SYT1: variants seen among roughly 807,000 people sequenced by gnomAD.
The protein encoded by SYT1 is synaptotagmin 1.
Under a neutral mutation model 44.8 loss-of-function variants are expected in SYT1, and 8 were observed. The ratio of observed to expected loss-of-function variants is 0.18; its 90% CI spans 0.10 to 0.32. The LOEUF (loss-of-function observed/expected upper bound fraction) is 0.32, where lower values mean the gene tolerates loss of function less well. Ranked by LOEUF, SYT1 falls within the 10% of genes least tolerant of loss-of-function variation. The pLI is 1.00. For missense variants in SYT1, 286 were observed against 509.3 expected, an observed-to-expected ratio of 0.56 and a Z score of 4.22; for synonymous variants, 154 against 188.8, an observed-to-expected ratio of 0.82 and a Z score of 1.51.
At chr12:79,072,161 T>C (rs1876326525) in intron 3 of SYT1, among the ~76,000 whole-genome samples, 1 of 152,082 alleles carries the variant, frequency 6.6e-6, no homozygotes. Context: ...TTATCTTCTA[T>C]GAACAATAAA....
At chr12:78,978,747 T>G (rs181994082) in intron 2 of SYT1, among the ~76,000 whole-genome samples, 3 of 152,340 alleles carry the variant, frequency 2.0e-5, no homozygotes, top group Admixed American at 2.0e-4. Flanking sequence ...TTACTTCCAC[T>G]GTATACAGGA....
intron 3 of SYT1, among the ~76,000 whole-genome samples, chr12:79,121,600 T>A (rs1301692136): frequency 6.6e-6 from 1 of 152,150 alleles, no homozygotes; most frequent in Non-Finnish European, 1.5e-5. Context: ...CCTCACCCCA[T>A]AACCTGCTCC....
At chr12:79,138,785 C>A (rs1187843139) in intron 3 of SYT1, among the ~76,000 whole-genome samples, 1 of 152,168 alleles carries the variant, frequency 6.6e-6, no homozygotes, top group East Asian at 1.9e-4. Context: ...TACCTGTGTA[C>A]ACACCTAGTT....
chr12:79,411,503 C>A (rs1289029700), intron 9 of SYT1, among the ~76,000 whole-genome samples: 1 of 152,002 alleles, frequency 6.6e-6, no homozygotes, highest in African/African-American at 2.4e-5. Flanking sequence ...TTCTCTGGCT[C>A]CTTGACTTGC....
intron 3 of SYT1, among the ~76,000 whole-genome samples, chr12:79,210,447 G>C (rs1206329442): frequency 3.9e-5 from 6 of 152,016 alleles, no homozygotes; most frequent in African/African-American, 1.5e-4. Flanking sequence ...TCATTCTTAT[G>C]CCTTTACATC....
chr12:79,172,011 A>G (rs1322271520), intron 3 of SYT1, among the ~76,000 whole-genome samples: 1 of 152,014 alleles, frequency 6.6e-6, no homozygotes, highest in East Asian at 1.9e-4. Flanking sequence ...TTACTACTAT[A>G]TCATGCAAAT....
intron 1 of SYT1, among the ~76,000 whole-genome samples, chr12:78,963,751 A>T (rs1436353095): frequency 6.6e-6 from 1 of 152,158 alleles, no homozygotes; most frequent in Non-Finnish European, 1.5e-5. Flanking sequence ...CAGCTGCTAA[A>T]AAAGCAAGAG....
At chr12:79,308,382 G>A (rs1465347377) in intron 8 of SYT1, among the ~76,000 whole-genome samples, 1 of 151,984 alleles carries the variant, frequency 6.6e-6, no homozygotes, top group South Asian at 2.1e-4. Context: ...AAATTAGCCC[G>A]GTGTTGTGGC....
chr12:78,901,543 TG>T (rs1875664873), intron 1 of SYT1, among the ~76,000 whole-genome samples: 1 of 152,180 alleles, frequency 6.6e-6, no homozygotes, highest in Admixed American at 6.6e-5. Context: ...TGCCTACTTT[TG>T]CTTTTGATTT....
At chr12:79,353,472 T>TTGCTAATA in intron 8 of SYT1, 30 bp from the exon 9 acceptor site, 1 of 1,480,748 alleles carries the variant, frequency 6.8e-7, no homozygotes, top group South Asian at 1.1e-5. Flanking sequence ...ATTTGAAAAA[T>TTGCTAATA]TGCTAATACT....
chr12:79,164,993 C>G (rs1475219678), intron 3 of SYT1, among the ~76,000 whole-genome samples: 1 of 151,694 alleles, frequency 6.6e-6, no homozygotes, highest in African/African-American at 2.4e-5. Context: ...TTGATAAGAC[C>G]GTAGAAAGAG....
chr12:79,025,061 G>A (rs929060394), intron 2 of SYT1, among the ~76,000 whole-genome samples: 1 of 151,780 alleles, frequency 6.6e-6, no homozygotes, highest in Non-Finnish European at 1.5e-5. Context: ...GCTTACAGAT[G>A]TATACATTAA....
At chr12:79,073,249 A>C (rs963274204) in intron 3 of SYT1, among the ~76,000 whole-genome samples, 1 of 152,104 alleles carries the variant, frequency 6.6e-6, no homozygotes, top group Non-Finnish European at 1.5e-5. Context: ...CTATGGGTGC[A>C]TGCCACCATG....
chr12:79,308,791 A>C (rs1300405594), intron 8 of SYT1, among the ~76,000 whole-genome samples: 1 of 152,192 alleles, frequency 6.6e-6, no homozygotes, highest in Non-Finnish European at 1.5e-5. Context: ...GCACACCTGA[A>C]ACACCACACC....
intron 3 of SYT1, among the ~76,000 whole-genome samples, chr12:79,053,121 T>C (rs906583264): frequency 6.8e-4 from 104 of 152,200 alleles, no homozygotes; most frequent in Admixed American, 3.4e-3. Context: ...TGTCCAACAA[T>C]GATAGACTGG....
chr12:79,419,414 G>A, intron 9 of SYT1: 1 of 399,984 alleles, frequency 2.5e-6, no homozygotes, highest in Admixed American at 3.0e-5. Flanking sequence ...ACAGTATCCG[G>A]CAGCAGGTCA....
chr12:79,352,111 C>T (rs1320197411), intron 8 of SYT1, among the ~76,000 whole-genome samples: 1 of 151,030 alleles, frequency 6.6e-6, no homozygotes, highest in Non-Finnish European at 1.5e-5. Flanking sequence ...TTCTCCCTCA[C>T]ACATTGAATG....
intron 9 of SYT1, among the ~76,000 whole-genome samples, chr12:79,421,320 T>C (rs1555224663): frequency 6.6e-6 from 1 of 152,160 alleles, no homozygotes; most frequent in Non-Finnish European, 1.5e-5. Context: ...CTGCTGCTTT[T>C]TCATTACTGT....
intron 2 of SYT1, among the ~76,000 whole-genome samples, chr12:78,994,448 T>C (rs1184136559): frequency 6.6e-6 from 1 of 151,580 alleles, no homozygotes; most frequent in Non-Finnish European, 1.5e-5. Flanking sequence ...AGAAGTGTCA[T>C]CATAATTTTT....
Sources: gnomAD v4.1 joint callset for allele counts (sites outside exome capture counted in the v4.1 genomes callset) on GRCh38, gnomAD v4.1.1 for gene constraint, MANE v1.5 for transcripts, NCBI Gene and HGNC (gene_info 2026-07-23, HGNC 2026-07-21) for gene names.